SLC2A6: variants seen among roughly 807,000 people sequenced by gnomAD.
SLC2A6 encodes the protein solute carrier family 2 member 6.
In SLC2A6, 39 loss-of-function variants were observed where a neutral mutation model predicts 47.8. The ratio of observed to expected loss-of-function variants is 0.82; its 90% CI spans 0.63 to 1.07. SLC2A6 has a LOEUF of 1.07. Among genes scored for constraint, SLC2A6 ranks in the 50% least tolerant of loss-of-function variants. The pLI is 0.00. For missense variants in SLC2A6, 650 were observed against 707.6 expected (o/e 0.92, Z 0.92); for synonymous variants, 346 against 324.1 (o/e 1.07, Z -0.73).
chr9:133,476,640 A>C (rs1843964057), intron 3 of SLC2A6, among the ~76,000 whole-genome samples: 1 of 152,188 alleles, frequency 6.6e-6, no homozygotes, highest in Non-Finnish European at 1.5e-5. Flanking sequence ...CATGCCTCCC[A>C]GTGAGTTTTG....
At chr9:133,478,906 G>T in intron 1 of SLC2A6, 62 bp downstream of exon 1, 1 of 1,445,638 alleles carries the variant, frequency 6.9e-7, no homozygotes. Context: ...CCTGCCGCCG[G>T]CTGGAGGGAA....
At chr9:133,472,310 GCCCC>G in intron 9 of SLC2A6, 134 bp from the exon 10 acceptor site, 1 of 1,004,866 alleles carries the variant, frequency 1.0e-6, no homozygotes, top group Non-Finnish European at 1.4e-6. Context: ...TTCAGAGACC[GCCCC>G]CCCACACCAG....
rs199999530 is a variant in SLC2A6 at position 133,473,365 on chromosome 9, T to A, written c.1222+50A>T. On this transcript the variant is annotated intron_variant, in intron 8 of 9. Transcript: ENST00000371899. The stretch of plus-strand genomic sequence containing the variant: ...CCAGCCACCCCAGACACATCACCCA[T>A]CCCTTAACACCCAAGACAGCCTGCC... 103 of 1,544,266 alleles carry A rather than the reference T, an allele frequency of 6.7e-5. No individual in the cohort carries two copies. The African/African-American group carries it at 1.3e-3, about 19-fold the overall frequency.
chr9:133,475,136 A>G, intron 5 of SLC2A6, 23 bp from the exon 6 acceptor site: 10 of 1,517,496 alleles, frequency 6.6e-6, no homozygotes, highest in Non-Finnish European at 8.8e-6. Flanking sequence ...GCCGCCGCTG[A>G]GGGCGTTGGG....
intron 9 of SLC2A6, 119 bp from the exon 10 acceptor site, chr9:133,472,295 C>T: frequency 1.6e-6 from 2 of 1,215,098 alleles, no homozygotes; most frequent in Admixed American, 2.4e-5. Flanking sequence ...CTGGTCCTTC[C>T]TGTGTTCAGA....
Position 133,478,983 on chromosome 9 carries a change from TC to T in SLC2A6, c.76del (p.Asp26ThrfsTer51). 1.9e-6 allele frequency: 3 copies of T among 1,591,076 alleles called. No homozygotes were observed. Among genetic ancestry groups the T allele is most frequent in the Non-Finnish European group, 1.7e-6 (2 of 1,172,544 alleles). The stretch of plus-strand genomic sequence containing the variant: ...CGACTCTCACCCGACCCGCGCCCTG[TC>T]CCCTGGCGACGGGGGCGGCTTCTCG... The part of the protein sequence containing the change: ...FPEKPPPSPG[D>X]RARVGTLQNK... On this transcript the variant is annotated frameshift_variant, in exon 1 of 10. Coordinates refer to ENST00000371899, the MANE Select transcript of SLC2A6 (RefSeq NM_017585.4). LOFTEE classifies it high-confidence loss of function.
chr9:133,478,849 G>C (rs1844064790), intron 1 of SLC2A6, 119 bp downstream of exon 1: 10 of 838,866 alleles, frequency 1.2e-5, no homozygotes, highest in Non-Finnish European at 1.8e-5. Flanking sequence ...GAGGGAGCCA[G>C]ATGGCCCCTC....
rs1554802852 is a variant in SLC2A6, at chr9:133,474,973, G to A, written c.915C>T (p.Thr305=). 11 of 1,571,824 alleles carry A rather than the reference G, an allele frequency of 7.0e-6. No homozygotes were observed. Among genetic ancestry groups the A allele is most frequent in the Admixed American group, 5.5e-5 (3 of 54,912 alleles). Residue 305 remains threonine (T), a synonymous_variant, in exon 6 of 10, where the codon ACC becomes ACT. Transcript: ENST00000371899. ...GCTGGGCTCTCACCAGCAGGACAGC[G>A]GTGCTGTCGAAGATGGACTGCAGGT... The part of the protein sequence containing the change: ...LVYLQSIFDS[T]AVLLPPKDDA...
In SLC2A6 at chr9:133,478,260, C is replaced by T; in HGVS notation, c.249G>A (p.Trp83Ter). The T allele has an allele frequency of 1.9e-6, 3 of 1,613,996 alleles. No individual in the cohort carries two copies. The highest frequency in any genetic ancestry group is 2.5e-6 in the Non-Finnish European group (3 of 1,179,990). Residue 83 changes from tryptophan (W) to a stop codon, truncating the protein, a stop_gained, in exon 2 of 10, where the codon TGG becomes TGA. Coordinates refer to ENST00000371899, the MANE Select transcript of SLC2A6 (RefSeq NM_017585.4). LOFTEE classifies it high-confidence loss of function. ...TCCAGAGGATGGTCCTTACCCCAAA[C>T]CAGGATGCCTGGGATTTGGTCAGAT... ...DLHLTKSQAS[W>*]FGSVFTLGAA... is the part of the protein sequence containing the mutation.
Position 133,478,367 on chromosome 9 carries a change from C to A in SLC2A6, c.142G>T (p.Gly48Cys). Residue 48 changes from glycine to cysteine, a missense_variant, in exon 2 of 10, where the codon GGC becomes TGC. Gly to Cys is a radical substitution (Grantham distance 159, BLOSUM62 -3). Transcript: ENST00000371899. ...VFLATFAAVLGNFSFGYALVY... is the reference protein window; with the variant it reads ...VFLATFAAVLCNFSFGYALVY... ...AGGGCATACCCAAAGCTGAAATTGC[C>A]GAGCACTGCGGCGAAGGTGGCCAGG... is the stretch of plus-strand genomic sequence containing the variant. 1 of 1,614,164 alleles carries A rather than the reference C, an allele frequency of 6.2e-7. No individual in the cohort carries two copies.
At chr9:133,475,753 G>T in intron 4 of SLC2A6, 142 bp from the exon 5 acceptor site, 1 of 749,270 alleles carries the variant, frequency 1.3e-6, no homozygotes, top group Non-Finnish European at 2.1e-6. Context: ...ATTGCCCCAG[G>T]CAGGGTGGGG....
intron 7 of SLC2A6, 36 bp downstream of exon 7, chr9:133,473,944 G>A: frequency 6.7e-7 from 1 of 1,503,278 alleles, no homozygotes. Context: ...CCCATGCGGA[G>A]GAGTGGGGCA....
chr9:133,475,561 GCACAGGCGCCTCCCCGGC>G lies in SLC2A6; in HGVS notation c.595_612del (p.Ala199_Val204del). 6.2e-7 allele frequency: 1 copy of G among 1,608,838 alleles called. No homozygotes were observed. Among genetic ancestry groups the G allele is most frequent in the Non-Finnish European group, 8.5e-7 (1 of 1,179,168 alleles). ...AAGCTGAGCAGCAGGATCATGATGA[GCACAGGCGCCTCCCCGGC>G]CACAGCCAGCCAGCGCCACGGCAGC... On this transcript the variant is annotated inframe_deletion, in exon 5 of 10. Coordinates refer to ENST00000371899, the MANE Select transcript of SLC2A6 (RefSeq NM_017585.4).
chr9:133,478,453 G>C, intron 1 of SLC2A6, 37 bp from the exon 2 acceptor site: 1 of 1,611,884 alleles, frequency 6.2e-7, no homozygotes, highest in Non-Finnish European at 8.5e-7. Context: ...CAGGGTCTCT[G>C]AGTCCCTCCT....
At chr9:133,478,153 G>A in intron 2 of SLC2A6, 101 bp downstream of exon 2, 1 of 1,342,360 alleles carries the variant, frequency 7.4e-7, no homozygotes, top group Non-Finnish European at 1.0e-6. Flanking sequence ...GGGCCCTGGA[G>A]GGACCCCCAA....
chr9:133,474,412 C>T (rs1292304167), intron 6 of SLC2A6, among the ~76,000 whole-genome samples: 1 of 152,224 alleles, frequency 6.6e-6, no homozygotes, highest in African/African-American at 2.4e-5. Context: ...AGATGTGCTG[C>T]TATCTTCATC....
Position 133,471,641 on chromosome 9 carries a change from C to T in SLC2A6, c.*380G>A, listed in dbSNP as rs1401712920. The T allele has an allele frequency of 2.7e-5, 5 of 187,560 alleles. No homozygotes were observed. The highest frequency in any genetic ancestry group is 4.4e-5 in the Non-Finnish European group (4 of 90,312). 11.6% of individuals were successfully genotyped at this position (187,560 alleles called of 1,614,324 possible). ...AGATCAGAGCGCGATGATATGACTA[C>T]GTTACTTGGCTGCCTCCAGCCCTGT... On this transcript the variant is annotated 3_prime_UTR_variant, in exon 10 of 10. Coordinates refer to ENST00000371899, the MANE Select transcript of SLC2A6 (RefSeq NM_017585.4).
intron 5 of SLC2A6, 44 bp from the exon 6 acceptor site, chr9:133,475,157 C>T: frequency 1.3e-6 from 2 of 1,485,458 alleles, no homozygotes; most frequent in Non-Finnish European, 1.8e-6. Context: ...CCAGCCTCTC[C>T]AGCAGGCGCC....
At chr9:133,476,467 G>C (rs1363572730) in intron 3 of SLC2A6, 131 bp from the exon 4 acceptor site, 2 of 747,110 alleles carry the variant, frequency 2.7e-6, no homozygotes, top group Admixed American at 2.1e-5. Flanking sequence ...GCTGAGTCCT[G>C]GTCATGACTC....
Sources: allele counts gnomAD v4.1 joint callset (sites outside exome capture counted in the v4.1 genomes callset), GRCh38; gene constraint gnomAD v4.1.1; transcripts MANE v1.5; gene names NCBI Gene and HGNC (gene_info 2026-07-23, HGNC 2026-07-21).